SLC5A1: variants seen among roughly 807,000 people sequenced by gnomAD.
The protein encoded by SLC5A1 is solute carrier family 5 member 1.
A neutral mutation model predicts 73.5 loss-of-function variants in SLC5A1; 42 were observed. That is an observed-to-expected ratio of 0.57 (90% CI 0.45 to 0.74). The LOEUF is 0.74. Ranked by LOEUF, SLC5A1 falls within the 30% of genes least tolerant of loss-of-function variation. The pLI is 0.00. For missense variants in SLC5A1, 634 were observed against 855.4 expected (o/e 0.74, Z 3.23); for synonymous variants, 300 against 317.4 (o/e 0.95, Z 0.58).
chr22:32,075,072 T>C (rs1161544513), intron 5 of SLC5A1, among the ~76,000 whole-genome samples: 1 of 137,828 alleles, frequency 7.3e-6, no homozygotes, highest in African/African-American at 2.7e-5. Flanking sequence ...ATTTTTTACT[T>C]TTTTTTTTTT....
At chr22:32,064,318 A>C (rs2149487082) in intron 2 of SLC5A1, among the ~76,000 whole-genome samples, 1 of 152,062 alleles carries the variant, frequency 6.6e-6, no homozygotes, top group Admixed American at 6.5e-5. Flanking sequence ...TAACATGGCG[A>C]ACCCCCGTCT....
chr22:32,068,851 A>G (rs1032933150), intron 5 of SLC5A1, among the ~76,000 whole-genome samples: 2 of 152,214 alleles, frequency 1.3e-5, no homozygotes, highest in African/African-American at 4.8e-5. Context: ...GCAGTTCTTA[A>G]TAGAAGATTA....
intron 2 of SLC5A1, among the ~76,000 whole-genome samples, chr22:32,053,238 T>C (rs1329725313): frequency 6.6e-6 from 1 of 152,178 alleles, no homozygotes; most frequent in African/African-American, 2.4e-5. Flanking sequence ...GTGTCTGCTT[T>C]GCTCTTTCTT....
intron 11 of SLC5A1, among the ~76,000 whole-genome samples, chr22:32,093,235 G>A (rs1252376659): frequency 1.3e-5 from 2 of 152,158 alleles, no homozygotes; most frequent in Non-Finnish European, 2.9e-5. Flanking sequence ...GTCAGGTAAT[G>A]TGATGCCTCC....
intron 14 of SLC5A1, among the ~76,000 whole-genome samples, chr22:32,108,646 C>G (rs1291916824): frequency 6.6e-6 from 1 of 152,062 alleles, no homozygotes; most frequent in Non-Finnish European, 1.5e-5. Flanking sequence ...GGTAGAGGCT[C>G]TACCACAATA....
chr22:32,084,330 G>T (rs751224619), intron 7 of SLC5A1, 109 bp from the exon 8 acceptor site: 1 of 910,180 alleles, frequency 1.1e-6, no homozygotes. Context: ...CTCAGTGAGG[G>T]CTCTGTCTGT....
rs752860609 is a variant in SLC5A1, at chr22:32,043,463, G to A, written c.135+47G>A. 17 of 1,603,980 alleles carry A rather than the reference G, an allele frequency of 1.1e-5. No individual in the cohort carries two copies. Among genetic ancestry groups the A allele is most frequent in the Non-Finnish European group, 1.4e-5 (17 of 1,173,010 alleles). On this transcript the variant is annotated intron_variant, in intron 1 of 14. Transcript: ENST00000266088. The surrounding 1 kb of genome is among the most constrained non-coding windows in gnomAD (Gnocchi z 6.5). Reference sequence around the variant, plus strand: ...GCGGGTGGGGAGGGTGCGCACAGAGGAGGAGCAATGGCCTCGCTGAGCTGC... The same window carrying A: ...GCGGGTGGGGAGGGTGCGCACAGAGAAGGAGCAATGGCCTCGCTGAGCTGC...
At chr22:32,081,322 G>C (rs549260204) in intron 5 of SLC5A1, among the ~76,000 whole-genome samples, 1 of 152,156 alleles carries the variant, frequency 6.6e-6, no homozygotes, top group African/African-American at 2.4e-5. Context: ...GTGATGTTCT[G>C]GTTGTGTCTG....
intron 10 of SLC5A1, 66 bp downstream of exon 10, chr22:32,086,393 C>A: frequency 9.5e-7 from 1 of 1,052,418 alleles, no homozygotes; most frequent in Non-Finnish European, 1.5e-6. Context: ...TAGGCACCAC[C>A]TACATTCCTG....
chr22:32,082,052 G>T, intron 6 of SLC5A1, 81 bp downstream of exon 6: 1 of 925,080 alleles, frequency 1.1e-6, no homozygotes. Flanking sequence ...AGTAGGAGAG[G>T]TGGTTTCTCT....
intron 14 of SLC5A1, among the ~76,000 whole-genome samples, chr22:32,107,894 C>T (rs921931918): frequency 6.6e-6 from 1 of 152,174 alleles, no homozygotes; most frequent in Admixed American, 6.5e-5. Context: ...GCAGGTGCAT[C>T]ACTGTCCCAG....
chr22:32,085,785 C>T (rs1465734836), intron 9 of SLC5A1, among the ~76,000 whole-genome samples: 1 of 152,112 alleles, frequency 6.6e-6, no homozygotes, highest in Non-Finnish European at 1.5e-5. Context: ...TGGAGAGCTG[C>T]ACTCCTGAGG....
At chr22:32,106,793 T>A (rs2094046928) in intron 14 of SLC5A1, among the ~76,000 whole-genome samples, 1 of 152,096 alleles carries the variant, frequency 6.6e-6, no homozygotes, top group Non-Finnish European at 1.5e-5. Context: ...TGTGGAGGTG[T>A]GTGGTGTGCA....
rs1255326837 is a variant in SLC5A1, at chr22:32,102,324, G to A, written c.1665+87G>A. The A allele has an allele frequency of 6.6e-6, 6 of 908,458 alleles. No individual in the cohort carries two copies. The East Asian group carries it at 9.8e-5, about 15-fold the overall frequency. 56.3% of individuals were successfully genotyped at this position (908,458 alleles called of 1,614,324 possible). A position where few individuals can be genotyped will look rare whatever the true frequency, so the allele number is the denominator to read the frequency against. Reference sequence around the variant, plus strand: ...TTTTTTAAATTTTTCATTATTATGGGTACATAATAGTTGTATATAATTATG... The same window carrying A: ...TTTTTTAAATTTTTCATTATTATGGATACATAATAGTTGTATATAATTATG... On this transcript the variant is annotated intron_variant, in intron 13 of 14. Coordinates refer to ENST00000266088, the MANE Select transcript of SLC5A1 (RefSeq NM_000343.4).
intron 1 of SLC5A1, among the ~76,000 whole-genome samples, chr22:32,049,085 TAA>T (rs1208070603): frequency 1.6e-5 from 2 of 127,632 alleles, no homozygotes; most frequent in African/African-American, 7.4e-5. Context: ...AATAAATAAA[TAA>T]ATAAATATAT....
rs144927298 is a variant in SLC5A1, at chr22:32,057,863, C to T, written c.207+7849C>T. Among the ~76,000 whole-genome samples the T allele has an allele frequency of 6.9e-3, 1,055 of 152,180 alleles. 6 individuals are homozygous for T. Among genetic ancestry groups the T allele is most frequent in the Non-Finnish European group, 0.01 (699 of 67,998 alleles). ...ATTTTCACGTCTTTTTCTACATCCC[C>T]CCAAAAAACACATAACTTACATGCC... On this transcript the variant is annotated intron_variant, in intron 2 of 14. Transcript: ENST00000266088.
intron 2 of SLC5A1, among the ~76,000 whole-genome samples, chr22:32,060,046 CACACACATATAT>C (rs2093958314): frequency 1.4e-5 from 2 of 143,312 alleles, no homozygotes; most frequent in African/African-American, 2.5e-5. Flanking sequence ...CACACACACA[CACACACATATAT>C]ACACACACAT....
At chr22:32,094,373 T>C (rs1305959735) in intron 11 of SLC5A1, among the ~76,000 whole-genome samples, 1 of 152,170 alleles carries the variant, frequency 6.6e-6, no homozygotes, top group African/African-American at 2.4e-5. Flanking sequence ...TTAGGGAGGA[T>C]TCCTTCTTTC....
At chr22:32,056,181 C>A (rs984587897) in intron 2 of SLC5A1, among the ~76,000 whole-genome samples, 2 of 152,050 alleles carry the variant, frequency 1.3e-5, no homozygotes, top group Non-Finnish European at 2.9e-5. Flanking sequence ...GCCACCACGC[C>A]TGGCTAATTT....
Sources: allele counts gnomAD v4.1 joint callset (sites outside exome capture counted in the v4.1 genomes callset), GRCh38; gene constraint gnomAD v4.1.1; non-coding constraint Gnocchi (gnomAD v3.1); transcripts MANE v1.5; gene names NCBI Gene and HGNC (gene_info 2026-07-23, HGNC 2026-07-21).